NT5DC3: variants seen among roughly 807,000 people sequenced by gnomAD.
NT5DC3 encodes 5'-nucleotidase domain-containing protein 3.
Under a neutral mutation model 67.8 loss-of-function variants are expected in NT5DC3, and 42 were observed. The ratio of observed to expected loss-of-function variants is 0.62; its 90% confidence interval spans 0.48 to 0.80. The LOEUF is 0.80. Ranked by LOEUF, NT5DC3 falls within the 30% of genes least tolerant of loss-of-function variation. The pLI, the probability that NT5DC3 is intolerant of heterozygous loss-of-function variation, is 0.00. For missense variants in NT5DC3, 570 were observed against 696.4 expected (o/e 0.82, Z 2.04); for synonymous variants, 237 against 255.6 (o/e 0.93, Z 0.69).
chr12:103,762,787 T>C, the NT5DC3 span, among the ~76,000 whole-genome samples: 58,082 of 152,100 alleles, frequency 0.38, 11,709 homozygotes, highest in East Asian at 0.71. Flanking sequence ...CTCTGAGAAC[T>C]GGGGGACAGG....
downstream of NT5DC3, chr12:103,770,523 C>A (rs1263212389): frequency 1.3e-5 from 2 of 151,988 alleles, no homozygotes; most frequent in African/African-American, 4.8e-5. Flanking sequence ...AAGCCTCAAC[C>A]TTCTGGGCTC....
intron 12 of NT5DC3, among the ~76,000 whole-genome samples, chr12:103,783,792 CAA>C (rs35278033): frequency 7.0e-6 from 1 of 142,676 alleles, no homozygotes. Context: ...AAAATAAAAC[CAA>C]AAAAAAAAAA....
chr12:103,834,990 C>T (rs940140926), intron 1 of NT5DC3, among the ~76,000 whole-genome samples: 2 of 152,178 alleles, frequency 1.3e-5, no homozygotes, highest in Non-Finnish European at 2.9e-5. Context: ...AAGGGTCAGC[C>T]TCAGAGACAC....
At chr12:103,789,829 A>AT (rs1283492158) in intron 9 of NT5DC3, among the ~76,000 whole-genome samples, 6 of 152,216 alleles carry the variant, frequency 3.9e-5, no homozygotes, top group Non-Finnish European at 8.8e-5. Flanking sequence ...TAAAAAAATA[A>AT]TTTTTTTACC....
the NT5DC3 span, chr12:103,750,500 C>T: frequency 1.3e-6 from 2 of 1,572,098 alleles, no homozygotes; most frequent in Middle Eastern, 1.7e-4. Context: ...CTAGGCTGGA[C>T]ATTGGTCCCA....
downstream of NT5DC3, among the ~76,000 whole-genome samples, chr12:103,767,718 G>A (rs113628846): frequency 2.1e-3 from 326 of 152,074 alleles, 2 homozygotes; most frequent in African/African-American, 7.5e-3. Flanking sequence ...GATTTGCACC[G>A]AGACCCCTTC....
At chr12:103,789,089 T>C in intron 9 of NT5DC3, 170 bp from the exon 10 acceptor site, 2 of 596,356 alleles carry the variant, frequency 3.4e-6, no homozygotes, top group Non-Finnish European at 6.0e-6. Flanking sequence ...GCGTCCCAAA[T>C]TGTGTGAAGC....
At chr12:103,811,762 A>C (rs61939571) in intron 2 of NT5DC3, among the ~76,000 whole-genome samples, 24,465 of 152,202 alleles carry the variant, frequency 0.16, 2,096 homozygotes, top group African/African-American at 0.18. Flanking sequence ...ACCTTAGTCA[A>C]GTGTTAACAC....
At position 103,793,945 on chromosome 12, in the gene NT5DC3, G is replaced by A. The variant is rs1023172197; in HGVS notation, c.806C>T (p.Ala269Val). Residue 269 changes from alanine to valine, a missense_variant, in exon 7 of 14, where the codon GCA becomes GTA. Physicochemically the swap from Ala to Val is moderately conservative, Grantham distance 64. Coordinates refer to ENST00000392876, the MANE Select transcript of NT5DC3 (RefSeq NM_001031701.3). ...IKGIMYRAIEADIEKYICYAE... is the reference protein window; with the variant it reads ...IKGIMYRAIEVDIEKYICYAE... ...TACTGCTGAGCACATACCAATGTCT[G>A]CTTCAATTGCTCTGTACATTATTCC... 6.2e-7 allele frequency: 1 copy of A among 1,611,326 alleles called. No individual in the cohort carries two copies. The highest frequency in any genetic ancestry group is 8.5e-7 in the Non-Finnish European group (1 of 1,177,482).
downstream of NT5DC3, among the ~76,000 whole-genome samples, chr12:103,769,916 T>TA: frequency 6.6e-6 from 1 of 152,210 alleles, no homozygotes; most frequent in Admixed American, 6.5e-5. Flanking sequence ...CAACTTCCCA[T>TA]ACCTGATATT....
At chr12:103,746,974 G>C in the NT5DC3 span, among the ~76,000 whole-genome samples, 1 of 109,376 alleles carries the variant, frequency 9.1e-6, no homozygotes, top group Non-Finnish European at 1.8e-5. Context: ...TTTTTTTTCC[G>C]AGATGGACTT....
At chr12:103,799,532 A>G (rs1000883869) in intron 4 of NT5DC3, among the ~76,000 whole-genome samples, 5 of 152,154 alleles carry the variant, frequency 3.3e-5, no homozygotes, top group African/African-American at 9.7e-5. Flanking sequence ...CTCCCCCGCT[A>G]TGTGGAACTA....
At chr12:103,810,026 G>A (rs1385316108) in intron 2 of NT5DC3, among the ~76,000 whole-genome samples, 1 of 150,886 alleles carries the variant, frequency 6.6e-6, no homozygotes, top group Admixed American at 6.7e-5. Context: ...AAAGGATTCA[G>A]CCCAAAAATG....
chr12:103,768,094 A>AG (rs1885064378), downstream of NT5DC3, among the ~76,000 whole-genome samples: 1 of 143,658 alleles, frequency 7.0e-6, no homozygotes, highest in South Asian at 2.2e-4. Flanking sequence ...TCTCAAAAAA[A>AG]AAAAAAAAAA....
chr12:103,809,235 A>C (rs1312022032), intron 2 of NT5DC3, among the ~76,000 whole-genome samples: 1 of 152,246 alleles, frequency 6.6e-6, no homozygotes, highest in Non-Finnish European at 1.5e-5. Flanking sequence ...GTGGAGCACC[A>C]ACTATTTTAG....
downstream of NT5DC3, among the ~76,000 whole-genome samples, chr12:103,771,967 G>A (rs1474862413): frequency 1.3e-5 from 2 of 152,098 alleles, no homozygotes; most frequent in Non-Finnish European, 2.9e-5. Flanking sequence ...GTACACAAAG[G>A]CAGGTGATCG....
At chr12:103,839,902 C>T (rs1035125002) in intron 1 of NT5DC3, among the ~76,000 whole-genome samples, 2 of 152,182 alleles carry the variant, frequency 1.3e-5, no homozygotes, top group Admixed American at 6.5e-5. Context: ...TCCTATAAAA[C>T]GTTCTTGCTC....
At chr12:103,754,721 G>A in the NT5DC3 span, among the ~76,000 whole-genome samples, 2 of 152,084 alleles carry the variant, frequency 1.3e-5, no homozygotes, top group African/African-American at 4.8e-5. Context: ...AGCCAGAGGC[G>A]GGTGGATCAC....
At chr12:103,810,404 C>T (rs561982436) in intron 2 of NT5DC3, among the ~76,000 whole-genome samples, 45 of 152,316 alleles carry the variant, frequency 3.0e-4, no homozygotes, top group African/African-American at 1.1e-3. Flanking sequence ...GGTTACAGTC[C>T]TCTCCAACGG....
Sources: allele counts gnomAD v4.1 joint callset (sites outside exome capture counted in the v4.1 genomes callset), GRCh38; gene constraint gnomAD v4.1.1; transcripts MANE v1.5; gene names NCBI Gene and HGNC (gene_info 2026-07-23, HGNC 2026-07-21).